CCDC6: variants seen among roughly 807,000 people sequenced by gnomAD.
CCDC6 encodes coiled-coil domain containing 6, also known as coiled-coil domain-containing protein 6.
A neutral mutation model predicts 56.6 loss-of-function variants in CCDC6; 20 were observed. The observed-to-expected ratio is 0.35, with a 90% confidence interval of 0.25 to 0.51. The LOEUF (loss-of-function observed/expected upper bound fraction) is 0.51. Among genes scored for constraint, CCDC6 ranks in the 20% least tolerant of loss-of-function variants. The pLI, the probability that CCDC6 is intolerant of heterozygous loss-of-function variation, is 0.95. For missense variants in CCDC6, 367 were observed against 601.1 expected (o/e 0.61, Z 4.07); for synonymous variants, 241 against 234.4 (o/e 1.03, Z -0.26).
At chr10:59,858,850 G>T (rs1393356588) in intron 1 of CCDC6, among the ~76,000 whole-genome samples, 1 of 152,200 alleles carries the variant, frequency 6.6e-6, no homozygotes. Flanking sequence ...GGGACACATA[G>T]TTGAAGTACT....
intron 1 of CCDC6, among the ~76,000 whole-genome samples, chr10:59,874,682 G>C (rs2071262981): frequency 6.6e-6 from 1 of 152,178 alleles, no homozygotes. Context: ...TGGGTTCTCT[G>C]AATGGGACCC....
intron 1 of CCDC6, 65 bp downstream of exon 1, chr10:59,906,057 C>A (rs1272891484): frequency 1.4e-6 from 2 of 1,386,748 alleles, no homozygotes; most frequent in East Asian, 4.7e-5. Flanking sequence ...TGGCTGGATT[C>A]GGGTGCAGCC....
chr10:59,815,355 G>A (rs1372192438), intron 3 of CCDC6, among the ~76,000 whole-genome samples: 3 of 152,096 alleles, frequency 2.0e-5, no homozygotes, highest in Non-Finnish European at 4.4e-5. Flanking sequence ...CAGTTGCGGA[G>A]GGAACCCCAA....
In CCDC6 at chr10:59,906,410, G is replaced by A. The variant is rs751829876; in HGVS notation, c.15C>T (p.Ala5=). MADS[A]SESDTDGAGG... The stretch of plus-strand genomic sequence containing the variant: ...CCGCCCCGTCCGTGTCGCTCTCGCT[G>A]GCGCTGTCCGCCATGGCCGCGGCGG... Residue 5 remains alanine, a synonymous_variant, in exon 1 of 9, where the codon GCC becomes GCT. Transcript: ENST00000263102. 5 of 1,550,028 alleles carry A rather than the reference G, an allele frequency of 3.2e-6. No homozygotes were observed. Among genetic ancestry groups the A allele is most frequent in the Admixed American group, 3.8e-5 (2 of 52,738 alleles).
rs2070483177 is a variant in CCDC6 at position 59,793,069 on chromosome 10, G to T, written c.1273C>A (p.Arg425=). Residue 425 remains arginine, a synonymous_variant, in exon 9 of 9, where the codon CGG becomes AGG. Transcript: ENST00000263102. ...TTGGGAGATGGAGGCGGCGTGGGCC[G>T]TTTGAATTTGTCAGGACTGTTGCTT... is the stretch of plus-strand genomic sequence containing the variant. ...RRSNSPDKFK[R]PTPPPSPNTQ... is the part of the protein sequence containing the mutation. The T allele has an allele frequency of 1.2e-6, 2 of 1,614,038 alleles. No homozygotes were observed. The highest frequency in any genetic ancestry group is 8.5e-7 in the Non-Finnish European group (1 of 1,180,034).
rs777021321 is a variant in CCDC6, at chr10:59,865,852, C to CAAAAAAAAAAAAAA, written c.304-13164_304-13151dup. Among the ~76,000 whole-genome samples, 27 of 57,034 alleles carry CAAAAAAAAAAAAAA rather than the reference C, an allele frequency of 4.7e-4. 1 individual carries two copies. Among genetic ancestry groups the CAAAAAAAAAAAAAA allele is most frequent in the African/African-American group, 1.2e-3 (17 of 13,646 alleles). The allele number at this position is 57,034 out of a possible 152,430, so 37.4% of individuals were successfully genotyped here. A position where few individuals can be genotyped will look rare whatever the true frequency, so the allele number is the denominator to read the frequency against. Reference sequence around the variant, plus strand: ...GTGACAGAGAGAGACTCCATCTCCACAAAAAAAAAAAAAAAAAAAAAAGAA... The same window carrying CAAAAAAAAAAAAAA: ...GTGACAGAGAGAGACTCCATCTCCACAAAAAAAAAAAAAAAAAAAAAAAAAAAAAAAAAAAAGAA... On this transcript the variant is annotated intron_variant, in intron 1 of 8. Coordinates refer to ENST00000263102, the MANE Select transcript of CCDC6 (RefSeq NM_005436.5).
rs1029910290 is a variant in CCDC6, at chr10:59,791,394, C to T, written c.*1523G>A. 7 of 195,310 alleles carry T rather than the reference C, an allele frequency of 3.6e-5. No homozygotes were observed. Among genetic ancestry groups the T allele is most frequent in the African/African-American group, 7.0e-5 (3 of 43,156 alleles). 12.1% of individuals were successfully genotyped at this position (195,310 alleles called of 1,614,324 possible). On this transcript the variant is annotated 3_prime_UTR_variant, in exon 9 of 9. Transcript: ENST00000263102. Reference sequence around the variant, plus strand: ...TTCATTCTGTTAACTCTTAAATATGCATTCGAAGGCAAAAATGGAGGTTTC... The same window carrying T: ...TTCATTCTGTTAACTCTTAAATATGTATTCGAAGGCAAAAATGGAGGTTTC...
intron 7 of CCDC6, among the ~76,000 whole-genome samples, chr10:59,802,051 T>A (rs963807008): frequency 1.3e-5 from 2 of 152,174 alleles, no homozygotes; most frequent in Non-Finnish European, 2.9e-5. Context: ...TTAGACCTCA[T>A]TATTGCCTAT....
intron 8 of CCDC6, among the ~76,000 whole-genome samples, chr10:59,794,178 T>C (rs924816145): frequency 3.3e-5 from 5 of 152,124 alleles, no homozygotes; most frequent in African/African-American, 1.2e-4. Context: ...CAACCAACAA[T>C]AATGCAAGGA....
intron 1 of CCDC6, among the ~76,000 whole-genome samples, chr10:59,865,839 GACTCCATCT>G (rs2071172013): frequency 1.9e-5 from 2 of 105,780 alleles, no homozygotes; most frequent in African/African-American, 8.6e-5. Flanking sequence ...GACAGAGAGA[GACTCCATCT>G]CCACAAAAAA....
intron 1 of CCDC6, among the ~76,000 whole-genome samples, chr10:59,877,365 A>C (rs1273967397): frequency 6.6e-6 from 1 of 152,252 alleles, no homozygotes; most frequent in African/African-American, 2.4e-5. Flanking sequence ...TAGCTAATGC[A>C]GGAAATAGAA....
rs768784542 is a variant in CCDC6, at chr10:59,906,320, ACCGCCGCCG to A, written c.96_104del (p.Gly42_Gly44del). Reference sequence around the variant, plus strand: ...CACCGCCGCCGCCTCCCCCGCCGCCACCGCCGCCGCCCGAGGTCGACGAGCAGGACGACT... The same window carrying A: ...CACCGCCGCCGCCTCCCCCGCCGCCACCCGAGGTCGACGAGCAGGACGACT... On this transcript the variant is annotated inframe_deletion, in exon 1 of 9. Coordinates refer to ENST00000263102, the MANE Select transcript of CCDC6 (RefSeq NM_005436.5). 6.2e-7 allele frequency: 1 copy of A among 1,600,278 alleles called. No homozygotes were observed. Among genetic ancestry groups the A allele is most frequent in the Non-Finnish European group, 8.5e-7 (1 of 1,178,620 alleles).
Position 59,808,306 on chromosome 10 carries a change from C to T in CCDC6, c.848-1228G>A, listed in dbSNP as rs1047579990. ...CAGGGTCTGCTTCAGCTAAGTTCCC[C>T]GGAGCCATCAAAACTCTTGTCCTTC... On this transcript the variant is annotated intron_variant, in intron 5 of 8. Transcript: ENST00000263102. Among the ~76,000 whole-genome samples, 8 of 152,206 alleles carry T rather than the reference C, an allele frequency of 5.3e-5. No homozygotes were observed. In the South Asian group the frequency reaches 1.2e-3, roughly 24 times the overall value.
chr10:59,822,908 AAC>A (rs1554883517), intron 3 of CCDC6, among the ~76,000 whole-genome samples: 3 of 151,530 alleles, frequency 2.0e-5, no homozygotes, highest in Non-Finnish European at 4.4e-5. Flanking sequence ...ATAAAAAAAA[AAC>A]AACCCCAGAC....
At chr10:59,865,852 C>CAAAAAAAAAAAAAAA (rs777021321) in intron 1 of CCDC6, among the ~76,000 whole-genome samples, 18 of 57,058 alleles carry the variant, frequency 3.2e-4, no homozygotes, top group African/African-American at 1.2e-3. Flanking sequence ...TCCATCTCCA[C>CAAAAAAAAAAAAAAA]AAAAAAAAAA....
chr10:59,891,420 C>CT (rs2071421385), intron 1 of CCDC6, among the ~76,000 whole-genome samples: 1 of 152,150 alleles, frequency 6.6e-6, no homozygotes, highest in South Asian at 2.1e-4. Flanking sequence ...CTATAGAAGA[C>CT]TTTGAGAACT....
At chr10:59,820,776 T>TGAAA (rs141959182) in intron 3 of CCDC6, among the ~76,000 whole-genome samples, 1 of 146,794 alleles carries the variant, frequency 6.8e-6, no homozygotes, top group Non-Finnish European at 1.5e-5. Flanking sequence ...AATGAACGAA[T>TGAAA]GAAAGAAAGA....
Position 59,790,632 on chromosome 10 carries a change from G to A in CCDC6, c.*2285C>T, listed in dbSNP as rs564867920. On this transcript the variant is annotated 3_prime_UTR_variant, in exon 9 of 9. Transcript: ENST00000263102. ...TATCAGTTCTGAATGTCCACAGGGA[G>A]AGGCAACTAGATTTATGTGGAAAAA... 9.0e-6 allele frequency: 2 copies of A among 221,420 alleles called. No individual in the cohort carries two copies. Among genetic ancestry groups the A allele is most frequent in the Non-Finnish European group, 1.8e-5 (2 of 110,610 alleles). The allele number at this position is 221,420 out of a possible 1,614,324, so 13.7% of individuals were successfully genotyped here. A position where few individuals can be genotyped will look rare whatever the true frequency, so the allele number is the denominator to read the frequency against.
chr10:59,812,930 C>T (rs546165854), intron 4 of CCDC6, 135 bp from the exon 5 acceptor site: 679 of 611,760 alleles, frequency 1.1e-3, no homozygotes, highest in Non-Finnish European at 1.8e-3. Flanking sequence ...CTTAATTCCT[C>T]TGCCCATTTT....
Sources: allele counts gnomAD v4.1 joint callset (sites outside exome capture counted in the v4.1 genomes callset), GRCh38; gene constraint gnomAD v4.1.1; transcripts MANE v1.5; gene names NCBI Gene and HGNC (gene_info 2026-07-23, HGNC 2026-07-21).